AASDH: variants seen among roughly 807,000 people sequenced by gnomAD.
AASDH encodes the protein aminoadipate-semialdehyde dehydrogenase.
A neutral mutation model predicts 102.3 loss-of-function variants in AASDH; 81 were observed. That is an observed-to-expected ratio of 0.79 (90% CI 0.66 to 0.95). The LOEUF is 0.95. Among genes scored for constraint, AASDH ranks in the 40% least tolerant of loss-of-function variants. The pLI is 0.00. For synonymous variants in AASDH, 398 were observed against 454.0 expected, an observed-to-expected ratio of 0.88 and a Z score of 1.57; for missense variants, 1,203 against 1,266.2, an observed-to-expected ratio of 0.95 and a Z score of 0.76.
At chr4:56,374,143 G>A (rs747047988) in intron 4 of AASDH, among the ~76,000 whole-genome samples, 1 of 152,094 alleles carries the variant, frequency 6.6e-6, no homozygotes, top group Non-Finnish European at 1.5e-5. Context: ...ACTTTGGGAG[G>A]CCAAGGTGGG....
chr4:56,375,883 C>T (rs551243399), intron 4 of AASDH, among the ~76,000 whole-genome samples: 3 of 152,048 alleles, frequency 2.0e-5, no homozygotes, highest in Admixed American at 6.6e-5. Context: ...TTAAATAATG[C>T]CATTCCCTCC....
chr4:56,384,287 C>A lies in AASDH; in HGVS notation c.13G>T (p.Glu5Ter), dbSNP rs1331979876. 6.2e-7 allele frequency: 1 copy of A among 1,613,930 alleles called. No individual in the cohort carries two copies. The highest frequency in any genetic ancestry group is 8.5e-7 in the Non-Finnish European group (1 of 1,179,956). ...CAGGAGGCAGCCTTATGCACCAATTCCTGAAGAGTCATTTCACTGAAGTTT... is the reference window on the plus strand; with the variant it reads ...CAGGAGGCAGCCTTATGCACCAATTACTGAAGAGTCATTTCACTGAAGTTT... MTLQ[E>*]LVHKAASCYM... Residue 5 changes from glutamate (E) to a stop codon, truncating the protein, a stop_gained, in exon 2 of 15, where the codon GAA becomes TAA. Coordinates refer to ENST00000205214, the MANE Select transcript of AASDH (RefSeq NM_181806.4). LOFTEE classifies it high-confidence loss of function.
At chr4:56,342,685 CA>C (rs1425829626) in intron 14 of AASDH, 149 bp downstream of exon 14, 1 of 205,940 alleles carries the variant, frequency 4.9e-6, no homozygotes, top group African/African-American at 2.4e-5. Flanking sequence ...AATGTTACTT[CA>C]GTTGTCACCA....
chr4:56,372,166 G>C (rs1030422501), intron 4 of AASDH, among the ~76,000 whole-genome samples: 1 of 152,180 alleles, frequency 6.6e-6, no homozygotes, highest in Non-Finnish European at 1.5e-5. Flanking sequence ...CTGATGAAGA[G>C]GCCCAAACAG....
At position 56,338,307 on chromosome 4, in the gene AASDH, A is replaced by T; in HGVS notation, c.*95T>A. On this transcript the variant is annotated 3_prime_UTR_variant, in exon 15 of 15. Coordinates refer to ENST00000205214, the MANE Select transcript of AASDH (RefSeq NM_181806.4). ...AGTTTCCGTTTCTTAGCCAAAATAT[A>T]ATCTTCTTTAATATAAAATAAGTCC... 1 of 1,090,370 alleles carries T rather than the reference A, an allele frequency of 9.2e-7. No individual in the cohort carries two copies. Among genetic ancestry groups the T allele is most frequent in the Non-Finnish European group, 1.3e-6 (1 of 782,114 alleles). The allele number at this position is 1,090,370 out of a possible 1,614,324, so 67.5% of individuals were successfully genotyped here.
chr4:56,354,390 GA>G (rs1749353667), intron 7 of AASDH, among the ~76,000 whole-genome samples, 179 bp from the exon 8 acceptor site: 1 of 151,868 alleles, frequency 6.6e-6, no homozygotes, highest in Admixed American at 6.6e-5. Context: ...AATAAGCAGA[GA>G]TAAAATGAAA....
chr4:56,345,057 T>A, intron 12 of AASDH, 70 bp downstream of exon 12: 1 of 1,482,642 alleles, frequency 6.7e-7, no homozygotes, highest in Non-Finnish European at 9.1e-7. Flanking sequence ...TCCTCCCACC[T>A]CAGCCTCTGG....
chr4:56,359,683 T>C (rs1380969116), intron 5 of AASDH, among the ~76,000 whole-genome samples: 1 of 152,008 alleles, frequency 6.6e-6, no homozygotes, highest in Non-Finnish European at 1.5e-5. Flanking sequence ...CTCAGCCTCC[T>C]CAGTAGCTGG....
Position 56,345,274 on chromosome 4 carries a change from T to C in AASDH, c.2505A>G (p.Leu835=), listed in dbSNP as rs373909352. ...NFIVVGCYNG[L]VYVLKSNSGE... ...CACTATTACTTTTCAGAACATAAACTAATCCATTATAACAGCCTACCAAGA... is the reference window on the plus strand; with the variant it reads ...CACTATTACTTTTCAGAACATAAACCAATCCATTATAACAGCCTACCAAGA... Residue 835 remains leucine, a synonymous_variant, in exon 12 of 15, where the codon TTA becomes TTG. Transcript: ENST00000205214. The C allele has an allele frequency of 3.3e-5, 53 of 1,612,434 alleles. No homozygotes were observed. Among genetic ancestry groups the C allele is most frequent in the Non-Finnish European group, 4.4e-5 (52 of 1,178,694 alleles).
At chr4:56,348,489 A>G (rs1004455511) in intron 11 of AASDH, among the ~76,000 whole-genome samples, 4 of 152,150 alleles carry the variant, frequency 2.6e-5, no homozygotes, top group Non-Finnish European at 4.4e-5. Flanking sequence ...TCCTGGGCAC[A>G]AGCGATCTGT....
intron 10 of AASDH, 140 bp from the exon 11 acceptor site, chr4:56,350,198 T>C (rs1748841048): frequency 1.2e-6 from 1 of 807,448 alleles, no homozygotes; most frequent in African/African-American, 1.7e-5. Flanking sequence ...CTCACGCCTG[T>C]AATCCCAGTA....
rs960493545 is a variant in AASDH at position 56,363,770 on chromosome 4, A to G, written c.861+7681T>C. On this transcript the variant is annotated intron_variant, in intron 5 of 14. Coordinates refer to ENST00000205214, the MANE Select transcript of AASDH (RefSeq NM_181806.4). ...AGGTAGATAAAACCACAAAGATGGGAAAAAAACAGAGCAGAAAAACGGGAA... is the reference window on the plus strand; with the variant it reads ...AGGTAGATAAAACCACAAAGATGGGGAAAAAACAGAGCAGAAAAACGGGAA... Among the ~76,000 whole-genome samples the G allele has an allele frequency of 3.9e-5, 6 of 152,242 alleles. No homozygotes were observed. In the East Asian group the frequency reaches 5.8e-4, roughly 15 times the overall value.
intron 5 of AASDH, among the ~76,000 whole-genome samples, chr4:56,360,878 T>C (rs1424359836): frequency 6.6e-6 from 1 of 152,204 alleles, no homozygotes; most frequent in Non-Finnish European, 1.5e-5. Flanking sequence ...GTTAAGATTC[T>C]GGTTTTTAGT....
chr4:56,363,498 C>A (rs528355091), intron 5 of AASDH, among the ~76,000 whole-genome samples: 1 of 152,330 alleles, frequency 6.6e-6, no homozygotes, highest in South Asian at 2.1e-4. Context: ...ACACTTCACA[C>A]GGCTGGGTAC....
At position 56,349,331 on chromosome 4, in the gene AASDH, TC is replaced by T. The variant is rs1248707348; in HGVS notation, c.2419del (p.Glu807AsnfsTer29). Reference protein sequence around the residue: ...VDFYSGKVKWEQILGDRIESS... With the variant: ...VDFYSGKVKWXQILGDRIESS... ...TTCAATTCGATCTCCCAAAATCTGT[TC>T]CCATTTTACCTTCCCAGAGTAAAAG... On this transcript the variant is annotated frameshift_variant, in exon 11 of 15. Transcript: ENST00000205214. LOFTEE classifies it high-confidence loss of function. 4 of 1,614,190 alleles carry T rather than the reference TC, an allele frequency of 2.5e-6. No individual in the cohort carries two copies. The highest frequency in any genetic ancestry group is 3.4e-6 in the Non-Finnish European group (4 of 1,180,038).
chr4:56,346,620 A>G lies in AASDH; in HGVS notation c.2489-1330T>C, dbSNP rs183778556. ...GACTGAGAGAAAACATGCAAAACAT[A>G]TATCTGATAAATGATTTATATTCAG... On this transcript the variant is annotated intron_variant, in intron 11 of 14. Coordinates refer to ENST00000205214, the MANE Select transcript of AASDH (RefSeq NM_181806.4). Among the ~76,000 whole-genome samples, 834 of 152,342 alleles carry G rather than the reference A, an allele frequency of 5.5e-3. 7 individuals are homozygous for G. The highest frequency in any genetic ancestry group is 0.019 in the African/African-American group (810 of 41,576).
At position 56,342,885 on chromosome 4, in the gene AASDH, T is replaced by G; in HGVS notation, c.2857A>C (p.Ile953Leu). 2 of 1,577,070 alleles carry G rather than the reference T, an allele frequency of 1.3e-6. No homozygotes were observed. Among genetic ancestry groups the G allele is most frequent in the Non-Finnish European group, 1.7e-6 (2 of 1,161,132 alleles). Residue 953 changes from isoleucine (I) to leucine (L), a missense_variant, in exon 14 of 15, where the codon ATT (isoleucine) becomes CTT (leucine). By Grantham distance (5) the Ile-to-Leu change is conservative. Coordinates refer to ENST00000205214, the MANE Select transcript of AASDH (RefSeq NM_181806.4). ...AGTAAATTCCCATCTACACAGCCAA[T>G]ACAAATATACTGTGAGCAACATTGT... ...SPQCCSQYIC[I>L]GCVDGNLLCF...
chr4:56,345,142 A>G lies in AASDH; in HGVS notation c.2637T>C (p.Tyr879=). The G allele has an allele frequency of 6.2e-7, 1 of 1,613,970 alleles. No homozygotes were observed. The highest frequency in any genetic ancestry group is 8.5e-7 in the Non-Finnish European group (1 of 1,179,966). Residue 879 remains tyrosine, a synonymous_variant, in exon 12 of 15, where the codon TAT becomes TAC. Coordinates refer to ENST00000205214, the MANE Select transcript of AASDH (RefSeq NM_181806.4). ...CAATCCTTACATAAATATCTAAAGC[A>G]TATGCGTGCTGGTCATGAGATCCAA... ...IYIGSHDQHA[Y]ALDIYRKKCV...
At position 56,355,335 on chromosome 4, in the gene AASDH, A is replaced by G. The variant is rs1355915104; in HGVS notation, c.950T>C (p.Leu317Pro). Residue 317 changes from leucine (L) to proline (P), a missense_variant, in exon 6 of 15, where the codon CTT (leucine) becomes CCT (proline). Transcript: ENST00000205214. ...CAATGATGGAAACGCTTCACCACCAAGGGCTAATACTCGAAGAGAAGTAGT... is the reference window on the plus strand; with the variant it reads ...CAATGATGGAAACGCTTCACCACCAGGGGCTAATACTCGAAGAGAAGTAGT... ...SATTSLRVLA[L>P]GGEAFPSLTV... The G allele has an allele frequency of 1.9e-6, 3 of 1,614,068 alleles. No homozygotes were observed. The highest frequency in any genetic ancestry group is 1.3e-5 in the African/African-American group (1 of 74,940).
Sources: gnomAD v4.1 joint callset for allele counts (sites outside exome capture counted in the v4.1 genomes callset) on GRCh38, gnomAD v4.1.1 for gene constraint, MANE v1.5 for transcripts, NCBI Gene and HGNC (gene_info 2026-07-23, HGNC 2026-07-21) for gene names.